The following PDE4D variants were observed in gnomAD, a reference collection of about 807,000 sequenced individuals.
PDE4D encodes the protein phosphodiesterase 4D.
PDE4D carries 24 observed loss-of-function variants against 87.4 expected under a neutral mutation model. The ratio of observed to expected loss-of-function variants is 0.27; its 90% CI spans 0.20 to 0.39. The LOEUF (loss-of-function observed/expected upper bound fraction) is 0.39. PDE4D is among the 10% of genes least tolerant of loss of function. The probability of loss-of-function intolerance (pLI) is 1.00; values close to 1 mark genes in which losing one functional copy is unlikely to be tolerated. For missense variants in PDE4D, 714 were observed against 1,041.0 expected (o/e 0.69, Z 4.32); for synonymous variants, 384 against 383.2 (o/e 1.00, Z -0.02).
In PDE4D at chr5:59,107,906, T is replaced by C. The variant is rs146207106; in HGVS notation, c.809-68935A>G. On this transcript the variant is annotated intron_variant, in intron 5 of 14. Coordinates refer to ENST00000340635, the MANE Select transcript of PDE4D (RefSeq NM_001104631.2). Reference sequence around the variant, plus strand: ...TGACTACCTTGCTGGAGAGTTCACATGAGGAATCCACATGGAGAGAGAGAA... The same window carrying C: ...TGACTACCTTGCTGGAGAGTTCACACGAGGAATCCACATGGAGAGAGAGAA... Among the ~76,000 whole-genome samples, 256 of 152,214 alleles carry C rather than the reference T, an allele frequency of 1.7e-3. 2 individuals are homozygous for C. The highest frequency in any genetic ancestry group is 4.1e-4 in the Non-Finnish European group (28 of 68,018).
intron 1 of PDE4D, among the ~76,000 whole-genome samples, chr5:60,337,351 C>CAAAATA (rs1491477498): frequency 1.1e-3 from 70 of 62,242 alleles, no homozygotes; most frequent in South Asian, 7.6e-3. Flanking sequence ...AACAAACAAA[C>CAAAATA]TATATATATA....
intron 3 of PDE4D, among the ~76,000 whole-genome samples, chr5:59,190,802 T>C (rs1000268739): frequency 5.8e-4 from 89 of 152,158 alleles, no homozygotes; most frequent in Non-Finnish European, 2.2e-4. Flanking sequence ...AGATGCTCTA[T>C]GAAGAGTGGT....
chr5:59,841,211 T>C (rs1195362999), intron 1 of PDE4D, among the ~76,000 whole-genome samples: 1 of 152,066 alleles, frequency 6.6e-6, no homozygotes, highest in African/African-American at 2.4e-5. Context: ...AGGGTGGCTA[T>C]TGCTGTCTCT....
rs534148381 is a variant in PDE4D, at chr5:59,749,762, A to G, written c.455+143406T>C. Among the ~76,000 whole-genome samples, 32 of 152,186 alleles carry G rather than the reference A, an allele frequency of 2.1e-4. 1 individual carries two copies. The East Asian group carries it at 5.2e-3, about 25-fold the overall frequency. ...CACTTTTAATACCACCTACATTTTA[A>G]TAACTCTCAAGTGTTCATCTCAAGT... On this transcript the variant is annotated intron_variant, in intron 1 of 14. Transcript: ENST00000340635.
chr5:60,479,289 A>G (rs1349336424), intron 1 of PDE4D, among the ~76,000 whole-genome samples: 1 of 152,210 alleles, frequency 6.6e-6, no homozygotes, highest in Non-Finnish European at 1.5e-5. Context: ...AGAAAGCTAT[A>G]TAATTTTGCA....
intron 1 of PDE4D, among the ~76,000 whole-genome samples, chr5:59,863,719 T>C (rs1746612153): frequency 6.6e-6 from 1 of 152,314 alleles, no homozygotes; most frequent in East Asian, 1.9e-4. Flanking sequence ...ATGGAAATGA[T>C]AGCAAACATG....
At chr5:59,361,579 G>C (rs921082534) in intron 1 of PDE4D, among the ~76,000 whole-genome samples, 2 of 152,160 alleles carry the variant, frequency 1.3e-5, no homozygotes, top group African/African-American at 4.8e-5. Context: ...TCCTCCGGAA[G>C]TCTTCCCTGC....
At chr5:59,896,482 A>T (rs1751671898), upstream of PDE4D, among the ~76,000 whole-genome samples, 1 of 152,188 alleles carries the variant, frequency 6.6e-6, no homozygotes, top group African/African-American at 2.4e-5. Context: ...GAAGCAGGAT[A>T]GGGCTTGAGG....
At chr5:59,593,917 A>G (rs1222147466) in intron 1 of PDE4D, among the ~76,000 whole-genome samples, 1 of 152,188 alleles carries the variant, frequency 6.6e-6, no homozygotes, top group Non-Finnish European at 1.5e-5. Flanking sequence ...AAGAGAAGGG[A>G]AAAAGTACAC....
chr5:60,361,708 T>C (rs1280113372), intron 1 of PDE4D, among the ~76,000 whole-genome samples: 1 of 152,142 alleles, frequency 6.6e-6, no homozygotes, highest in Non-Finnish European at 1.5e-5. Context: ...TTCCCAAGCA[T>C]GGTAATTAAC....
chr5:60,322,588 G>A (rs116676405), intron 1 of PDE4D, among the ~76,000 whole-genome samples: 147 of 152,024 alleles, frequency 9.7e-4, no homozygotes, highest in African/African-American at 3.2e-3. Context: ...GGGCACTTCC[G>A]CAAATCCCTT....
chr5:59,056,092 C>T (rs1762308243), intron 5 of PDE4D, among the ~76,000 whole-genome samples: 1 of 152,152 alleles, frequency 6.6e-6, no homozygotes, highest in Admixed American at 6.5e-5. Context: ...TATCCATGCC[C>T]CGCCTCCACC....
intron 1 of PDE4D, among the ~76,000 whole-genome samples, chr5:60,279,066 G>A (rs1583289842): frequency 6.6e-6 from 1 of 152,170 alleles, no homozygotes; most frequent in East Asian, 1.9e-4. Flanking sequence ...AGGTGAAGGG[G>A]CAGGTGGTAC....
chr5:59,023,178 GAAAA>G (rs746740485), intron 6 of PDE4D, among the ~76,000 whole-genome samples: 6 of 136,452 alleles, frequency 4.4e-5, no homozygotes, highest in African/African-American at 1.6e-4. Context: ...CTAACTCAAG[GAAAA>G]AAAAAAAAGA....
chr5:59,909,460 A>G (rs562600160), intron 3 of PDE4D, among the ~76,000 whole-genome samples: 1 of 152,082 alleles, frequency 6.6e-6, no homozygotes, highest in Non-Finnish European at 1.5e-5. Context: ...CCCTGGCGCA[A>G]TCATGGCTCA....
At chr5:59,088,258 T>C (rs1179315169) in intron 5 of PDE4D, among the ~76,000 whole-genome samples, 1 of 152,310 alleles carries the variant, frequency 6.6e-6, no homozygotes, top group African/African-American at 2.4e-5. Flanking sequence ...TTCTCTCTCT[T>C]TCTCTTTCTC....
At chr5:60,474,704 A>G (rs530782018) in intron 1 of PDE4D, among the ~76,000 whole-genome samples, 1 of 152,168 alleles carries the variant, frequency 6.6e-6, no homozygotes, top group South Asian at 2.1e-4. Context: ...ATTCAGACAC[A>G]CTTTCCACTC....
At chr5:59,198,858 T>C (rs931471331) in intron 2 of PDE4D, among the ~76,000 whole-genome samples, 6 of 152,154 alleles carry the variant, frequency 3.9e-5, no homozygotes, top group Non-Finnish European at 7.3e-5. Context: ...CACACTCTTA[T>C]GGTGACTTTG....
At chr5:59,681,470 G>A (rs1362552770) in intron 1 of PDE4D, among the ~76,000 whole-genome samples, 3 of 152,128 alleles carry the variant, frequency 2.0e-5, no homozygotes, top group South Asian at 2.1e-4. Context: ...GTCTCCCAAA[G>A]TTCACATCTT....
Sources: gnomAD v4.1 joint callset for allele counts (sites outside exome capture counted in the v4.1 genomes callset) on GRCh38, gnomAD v4.1.1 for gene constraint, MANE v1.5 for transcripts, NCBI Gene and HGNC (gene_info 2026-07-23, HGNC 2026-07-21) for gene names.